KDM5C: variants seen among roughly 807,000 people sequenced by gnomAD.
KDM5C encodes the protein lysine-specific demethylase 5C.
A neutral mutation model predicts 110.6 loss-of-function variants in KDM5C; 16 were observed. The observed-to-expected ratio is 0.14, with a 90% CI of 0.10 to 0.22. The LOEUF (loss-of-function observed/expected upper bound fraction) is 0.22, where lower values mean the gene tolerates loss of function less well. KDM5C is among the 10% of genes least tolerant of loss of function. KDM5C has a pLI of 1.00. For synonymous variants in KDM5C, 511 were observed against 520.4 expected, an observed-to-expected ratio of 0.98 and a Z score of 0.24; for missense variants, 681 against 1,300.9, an observed-to-expected ratio of 0.52 and a Z score of 7.33.
intron 25 of KDM5C, among the ~76,000 whole-genome samples, chrX:53,185,726 A>G: frequency 8.9e-6 from 1 of 111,745 alleles, no homozygotes; most frequent in East Asian, 2.8e-4. Context: ...ATAACAGTGG[A>G]TAATTAAGGA....
At position 53,196,977 on chromosome X, in the gene KDM5C, C is replaced by G; in HGVS notation, c.2690G>C (p.Ser897Thr). 4 of 1,194,138 alleles carry G rather than the reference C, an allele frequency of 3.3e-6. No homozygotes were observed. Among genetic ancestry groups the G allele is most frequent in the Non-Finnish European group, 4.5e-6 (4 of 886,572 alleles). Residue 897 changes from serine to threonine, a missense_variant, in exon 19 of 26, where the codon AGT (serine) becomes ACT (threonine). Transcript: ENST00000375401. Reference protein sequence around the residue: ...AREALASLPSSPGLLQSLLER... With the variant: ...AREALASLPSTPGLLQSLLER... ...CAACAGGGACTGCAGTAGCCCTGGA[C>G]TGGAGGGCAGTGAGGCCAGGGCCTC...
chrX:53,188,826 G>A (rs1556829069), downstream of KDM5C, among the ~76,000 whole-genome samples: 2 of 111,919 alleles, frequency 1.8e-5, no homozygotes, highest in African/African-American at 3.3e-5. Context: ...GATGAAGCAA[G>A]CTGCCATATT....
intron 1 of KDM5C, among the ~76,000 whole-genome samples, chrX:53,223,261 A>T (rs1236313872): frequency 1.8e-5 from 2 of 111,563 alleles, no homozygotes; most frequent in Non-Finnish European, 3.8e-5. Context: ...CACTTCAGGG[A>T]GTGCCTCCTT....
chrX:53,216,022 G>A, intron 6 of KDM5C, 46 bp from the exon 7 acceptor site: 1 of 1,211,881 alleles, frequency 8.3e-7, no homozygotes, highest in South Asian at 1.8e-5. Flanking sequence ...AGGACACTTA[G>A]GGCCCTGACT....
intron 14 of KDM5C, among the ~76,000 whole-genome samples, chrX:53,200,746 ACT>A (rs1447612884): frequency 8.9e-6 from 1 of 112,100 alleles, no homozygotes; most frequent in Non-Finnish European, 1.9e-5. Context: ...CTTATGAAAG[ACT>A]CTCACAAAGT....
chrX:53,179,382 A>G (rs781854964), intron 25 of KDM5C, among the ~76,000 whole-genome samples: 8 of 112,173 alleles, frequency 7.1e-5, no homozygotes, highest in Non-Finnish European at 1.3e-4. Context: ...AGACTGGTAT[A>G]AAGTATTTGC....
rs781832296 is a variant in KDM5C, at chrX:53,215,986, A to G, written c.782-10T>C. ...TCAGGCCCCTCCTTATCTGGGAGAG[A>G]GAAAAATGGCTGTAAACACAGGTCT... On this transcript the variant is annotated splice_polypyrimidine_tract_variant and intron_variant, in intron 6 of 25. Coordinates refer to ENST00000375401, the MANE Select transcript of KDM5C (RefSeq NM_004187.5). 5.1e-5 allele frequency: 62 copies of G among 1,210,273 alleles called. No homozygotes were observed. Among genetic ancestry groups the G allele is most frequent in the Non-Finnish European group, 6.8e-5 (61 of 895,189 alleles).
intron 14 of KDM5C, among the ~76,000 whole-genome samples, chrX:53,200,807 T>C (rs1414986480): frequency 8.9e-6 from 1 of 112,410 alleles, no homozygotes; most frequent in East Asian, 2.8e-4. Context: ...TGGCTGAAAC[T>C]ACACGAGTGG....
At chrX:53,207,595 G>A (rs1277246002) in intron 12 of KDM5C, among the ~76,000 whole-genome samples, 1 of 111,999 alleles carries the variant, frequency 8.9e-6, no homozygotes, top group African/African-American at 3.2e-5. Context: ...GTTTACAGTG[G>A]AGAGAATAGG....
intron 1 of KDM5C, chrX:53,221,796 G>A: frequency 1.1e-6 from 1 of 922,170 alleles, no homozygotes; most frequent in Non-Finnish European, 1.4e-6. Context: ...ATGCCTGACT[G>A]TGGTGGCAAA....
At chrX:53,223,181 A>G (rs1368359030) in intron 1 of KDM5C, among the ~76,000 whole-genome samples, 1 of 111,475 alleles carries the variant, frequency 9.0e-6, no homozygotes, top group Non-Finnish European at 1.9e-5. Context: ...TCCAAGATAG[A>G]AAAAAGGAAT....
intron 14 of KDM5C, chrX:53,201,197 T>C: frequency 1.2e-5 from 3 of 249,474 alleles, no homozygotes; most frequent in South Asian, 1.1e-4. Context: ...AGCAGTGAGG[T>C]TTCATATGCC....
chrX:53,195,489 G>T, intron 20 of KDM5C, 79 bp from the exon 21 acceptor site: 1 of 964,477 alleles, frequency 1.0e-6, no homozygotes, highest in Non-Finnish European at 1.5e-6. Context: ...CCCTGAGCTG[G>T]AAAGATGAAC....
chrX:53,176,971 G>C (rs782244293), intron 25 of KDM5C, among the ~76,000 whole-genome samples: 1 of 111,720 alleles, frequency 9.0e-6, no homozygotes, highest in East Asian at 2.8e-4. Context: ...TATTTTGGTC[G>C]GGTGTGGTGG....
intron 18 of KDM5C, chrX:53,197,526 C>T: frequency 1.2e-5 from 5 of 400,945 alleles, no homozygotes; most frequent in Non-Finnish European, 2.2e-5. Flanking sequence ...CTCCTCTACC[C>T]CTCCTCCAGG....
chrX:53,197,808 T>C lies in KDM5C; in HGVS notation c.2585A>G (p.Asn862Ser), dbSNP rs2073007136. ...AATCTGGTGCATGGCGCAAGGCAGG[T>C]TGTTCATCTGGTCCAGAAAGGCCCG... ...ELRAFLDQMN[N>S]LPCAMHQIGD... The change falls in exon 18 of 26, where the codon AAC (asparagine) becomes AGC (serine). Residue 862 changes from asparagine to serine, a missense_variant. This residue lies in a region of KDM5C where 123 missense variants were observed against 169.0 expected (regional missense o/e 0.73). Coordinates refer to ENST00000375401, the MANE Select transcript of KDM5C (RefSeq NM_004187.5). The C allele has an allele frequency of 1.4e-5, 17 of 1,206,029 alleles. No individual in the cohort carries two copies. The highest frequency in any genetic ancestry group is 1.9e-5 in the Non-Finnish European group (17 of 892,637).
At chrX:53,189,040 C>T (rs782685022), downstream of KDM5C, among the ~76,000 whole-genome samples, 7 of 112,385 alleles carry the variant, frequency 6.2e-5, no homozygotes, top group Non-Finnish European at 1.3e-4. Context: ...CTAAGTTGTG[C>T]CCAGATTCCT....
chrX:53,188,093 G>A (rs1306436973), downstream of KDM5C, among the ~76,000 whole-genome samples: 1 of 111,646 alleles, frequency 9.0e-6, no homozygotes, highest in Non-Finnish European at 1.9e-5. Flanking sequence ...TAAAGATGGA[G>A]AAAAATAGTA....
chrX:53,186,331 G>A (rs1934216869), downstream of KDM5C, among the ~76,000 whole-genome samples: 1 of 111,845 alleles, frequency 8.9e-6, no homozygotes, highest in Non-Finnish European at 1.9e-5. Context: ...AGTCCCAGGA[G>A]CAGAGAAAAA....
Sources: gnomAD v4.1 joint callset for allele counts (sites outside exome capture counted in the v4.1 genomes callset) on GRCh38, gnomAD v4.1.1 for gene constraint, gnomAD v4.1.1 regional missense constraint, MANE v1.5 for transcripts, NCBI Gene and HGNC (gene_info 2026-07-23, HGNC 2026-07-21) for gene names.